Variants in SYN3 observed in about 807,000 individuals in gnomAD.
SYN3 encodes the protein synapsin-3.
Under a neutral mutation model 65.8 loss-of-function variants are expected in SYN3, and 35 were observed. The observed-to-expected ratio is 0.53, with a 90% CI of 0.41 to 0.70. SYN3 has a LOEUF of 0.70. SYN3 is among the 30% of genes least tolerant of loss of function. SYN3 has a pLI of 0.00. For synonymous variants in SYN3, 270 were observed against 292.9 expected (o/e 0.92, Z 0.80); for missense variants, 680 against 749.0 (o/e 0.91, Z 1.08).
intron 6 of SYN3, among the ~76,000 whole-genome samples, chr22:32,665,457 T>G (rs1353605247): frequency 6.6e-6 from 1 of 151,752 alleles, no homozygotes; most frequent in Non-Finnish European, 1.5e-5. Flanking sequence ...ATTTTATTCC[T>G]TCTTATGGCT....
chr22:32,621,397 A>G (rs893078748), intron 6 of SYN3, among the ~76,000 whole-genome samples: 2 of 151,612 alleles, frequency 1.3e-5, no homozygotes, highest in African/African-American at 4.8e-5. Context: ...CGTATGCTCC[A>G]ATTTTACCCC....
At chr22:32,921,493 G>T (rs2050333006) in intron 4 of SYN3, among the ~76,000 whole-genome samples, 2 of 152,124 alleles carry the variant, frequency 1.3e-5, no homozygotes, top group Admixed American at 1.3e-4. Context: ...GTCCACTCAC[G>T]CCAGCCTGGT....
At chr22:32,666,178 C>A (rs1184256462) in intron 6 of SYN3, among the ~76,000 whole-genome samples, 1 of 152,228 alleles carries the variant, frequency 6.6e-6, no homozygotes, top group Non-Finnish European at 1.5e-5. Context: ...GCCCAAATCA[C>A]CTGCATTATG....
chr22:32,533,098 C>A (rs571618215), intron 10 of SYN3, among the ~76,000 whole-genome samples: 1 of 151,660 alleles, frequency 6.6e-6, no homozygotes, highest in Admixed American at 6.6e-5. Context: ...AGAGAGGAAG[C>A]GGCGGGGATG....
intron 6 of SYN3, among the ~76,000 whole-genome samples, chr22:32,640,291 G>T (rs1484451431): frequency 6.6e-6 from 1 of 152,200 alleles, no homozygotes. Context: ...AAGCTCCTTG[G>T]AGGCAGGGAC....
chr22:32,594,493 CTT>C (rs11330231), intron 7 of SYN3, among the ~76,000 whole-genome samples: 18 of 145,816 alleles, frequency 1.2e-4, no homozygotes, highest in Admixed American at 2.7e-4. Context: ...TTTTTCTTTT[CTT>C]TTTTTTTTTT....
chr22:33,019,726 C>T (rs1226645205), intron 1 of SYN3, among the ~76,000 whole-genome samples: 1 of 152,156 alleles, frequency 6.6e-6, no homozygotes, highest in Non-Finnish European at 1.5e-5. Context: ...CTCACTGCAT[C>T]CTCCCGCCTC....
At chr22:32,763,015 G>T (rs1370758408) in intron 6 of SYN3, among the ~76,000 whole-genome samples, 1 of 152,190 alleles carries the variant, frequency 6.6e-6, no homozygotes, top group Non-Finnish European at 1.5e-5. Context: ...ACAACAATTA[G>T]TATCTTATTG....
chr22:32,868,759 T>A (rs2048758651), intron 5 of SYN3, among the ~76,000 whole-genome samples: 1 of 152,118 alleles, frequency 6.6e-6, no homozygotes, highest in Non-Finnish European at 1.5e-5. Flanking sequence ...CCTATAAATA[T>A]TTACCATAAT....
At chr22:32,798,685 CTTTTTTT>C (rs751710119) in intron 6 of SYN3, among the ~76,000 whole-genome samples, 6 of 92,500 alleles carry the variant, frequency 6.5e-5, no homozygotes, top group Admixed American at 2.7e-4. Context: ...CATCTTCATT[CTTTTTTT>C]TTTTTTTTTT....
chr22:33,001,239 G>A lies in SYN3; in HGVS notation c.311+5113C>T, dbSNP rs111242744. ...ATAGGACGAATGATTGAAATATATT[G>A]GGAAAAACTCCTCTGGCCAAAGCTG... On this transcript the variant is annotated intron_variant, in intron 2 of 13. Coordinates refer to ENST00000358763, the MANE Select transcript of SYN3 (RefSeq NM_003490.4). Among the ~76,000 whole-genome samples the A allele has an allele frequency of 3.9e-3, 599 of 152,250 alleles. 3 individuals carry two copies. The highest frequency in any genetic ancestry group is 0.014 in the African/African-American group (576 of 41,522).
chr22:32,876,715 T>C (rs2048993870), intron 4 of SYN3, among the ~76,000 whole-genome samples: 1 of 152,120 alleles, frequency 6.6e-6, no homozygotes, highest in South Asian at 2.1e-4. Flanking sequence ...AAAATGCTTA[T>C]GGTACAATTT....
chr22:32,546,042 A>C (rs1429828226), intron 7 of SYN3, among the ~76,000 whole-genome samples: 1 of 151,928 alleles, frequency 6.6e-6, no homozygotes, highest in Non-Finnish European at 1.5e-5. Context: ...CATTCCTCCC[A>C]CCTCTGCCAC....
intron 6 of SYN3, among the ~76,000 whole-genome samples, chr22:32,771,351 G>T (rs1359389374): frequency 2.6e-5 from 4 of 152,202 alleles, no homozygotes; most frequent in Admixed American, 6.5e-5. Context: ...GAGGAAAAAG[G>T]TTCAACCACA....
At chr22:32,642,883 C>G (rs1284013920) in intron 6 of SYN3, among the ~76,000 whole-genome samples, 1 of 151,584 alleles carries the variant, frequency 6.6e-6, no homozygotes, top group Non-Finnish European at 1.5e-5. Context: ...GATCAGGCCC[C>G]CTATCAAAAA....
chr22:33,044,641 G>A (rs777273364), intron 1 of SYN3, among the ~76,000 whole-genome samples: 3 of 151,504 alleles, frequency 2.0e-5, no homozygotes, highest in Non-Finnish European at 2.9e-5. Context: ...TCTCCAAGTC[G>A]GAATTCCTAC....
intron 6 of SYN3, among the ~76,000 whole-genome samples, chr22:32,849,737 G>T (rs952535139): frequency 6.6e-6 from 1 of 152,174 alleles, no homozygotes; most frequent in African/African-American, 2.4e-5. Flanking sequence ...CCTTGTCCAA[G>T]AGCCCATGCA....
At chr22:32,911,473 A>G (rs2050049019) in intron 4 of SYN3, among the ~76,000 whole-genome samples, 1 of 152,106 alleles carries the variant, frequency 6.6e-6, no homozygotes, top group Non-Finnish European at 1.5e-5. Flanking sequence ...GTGGAGAGAG[A>G]ATAAACATGG....
intron 7 of SYN3, among the ~76,000 whole-genome samples, chr22:32,558,589 C>G (rs754525338): frequency 3.3e-5 from 5 of 152,260 alleles, no homozygotes; most frequent in Non-Finnish European, 5.9e-5. Flanking sequence ...TTCCCCACTT[C>G]CCCTCATCTG....
Sources: gnomAD v4.1 joint callset for allele counts (sites outside exome capture counted in the v4.1 genomes callset) on GRCh38, gnomAD v4.1.1 for gene constraint, MANE v1.5 for transcripts, NCBI Gene and HGNC (gene_info 2026-07-23, HGNC 2026-07-21) for gene names.